The following SLCO1B1 variants were observed in gnomAD, a reference collection of about 807,000 sequenced individuals.
SLCO1B1 encodes the protein OATP-2.
SLCO1B1 carries 81 observed loss-of-function variants against 70.1 expected under a neutral mutation model. The ratio of observed to expected loss-of-function variants is 1.16; its 90% confidence interval spans 0.97 to 1.39. SLCO1B1 has a LOEUF of 1.39. Ranked by LOEUF, SLCO1B1 falls within the 40% of genes most tolerant of loss-of-function variation. SLCO1B1 has a pLI of 0.00. For missense variants in SLCO1B1, 895 were observed against 799.6 expected, an observed-to-expected ratio of 1.12 and a Z score of -1.44; for synonymous variants, 283 against 271.5, an observed-to-expected ratio of 1.04 and a Z score of -0.42.
chr12:21,187,531 T>C (rs1940976875), intron 7 of SLCO1B1, among the ~76,000 whole-genome samples: 1 of 151,820 alleles, frequency 6.6e-6, no homozygotes. Context: ...GATCATGGAG[T>C]CATAAGAAAC....
At chr12:21,198,035 G>A (rs1336904845) in intron 8 of SLCO1B1, among the ~76,000 whole-genome samples, 1 of 152,138 alleles carries the variant, frequency 6.6e-6, no homozygotes, top group Non-Finnish European at 1.5e-5. Flanking sequence ...CCAAAGCAAT[G>A]CAACACTTAA....
intron 14 of SLCO1B1, among the ~76,000 whole-genome samples, chr12:21,228,614 G>T (rs1020940856): frequency 1.3e-5 from 2 of 152,154 alleles, no homozygotes; most frequent in Non-Finnish European, 2.9e-5. Context: ...AAAAGAGGAG[G>T]TCAGAAGGAT....
chr12:21,225,955 A>G (rs1054859087), intron 14 of SLCO1B1, among the ~76,000 whole-genome samples: 2 of 152,278 alleles, frequency 1.3e-5, no homozygotes. Context: ...TGCATATGAA[A>G]AAATGGAAGC....
At chr12:21,171,178 G>T (rs892066472) in intron 2 of SLCO1B1, among the ~76,000 whole-genome samples, 3 of 152,324 alleles carry the variant, frequency 2.0e-5, no homozygotes, top group Admixed American at 2.0e-4. Context: ...ACTCTTAAGG[G>T]TGTGAAGGAA....
Position 21,196,994 on chromosome 12 carries a change from G to T in SLCO1B1, c.776G>T (p.Trp259Leu). 6.2e-7 allele frequency: 1 copy of T among 1,613,404 alleles called. No homozygotes were observed. The highest frequency in any genetic ancestry group is 8.5e-7 in the Non-Finnish European group (1 of 1,179,582). ...PTDSRWVGAW[W>L]LNFLVSGLFS... ...GATTCTCGATGGGTTGGAGCTTGGT[G>T]GCTTAATTTCCTTGTGTCTGGACTA... is the stretch of plus-strand genomic sequence containing the variant. Residue 259 changes from tryptophan to leucine, a missense_variant, in exon 8 of 15, where the codon TGG becomes TTG. Coordinates refer to ENST00000256958, the MANE Select transcript of SLCO1B1 (RefSeq NM_006446.5).
intron 3 of SLCO1B1, among the ~76,000 whole-genome samples, chr12:21,173,708 T>C (rs1940783360): frequency 6.6e-6 from 1 of 151,916 alleles, no homozygotes; most frequent in Non-Finnish European, 1.5e-5. Context: ...TGCTCAGTTA[T>C]CCTTAACTGC....
At chr12:21,233,845 C>T (rs1941569644) in intron 14 of SLCO1B1, among the ~76,000 whole-genome samples, 6 of 152,190 alleles carry the variant, frequency 3.9e-5, no homozygotes, top group Admixed American at 3.9e-4. Context: ...GCCACTTGGG[C>T]TGGCCTCTGG....
chr12:21,204,036 G>A (rs775852985), intron 10 of SLCO1B1, among the ~76,000 whole-genome samples: 43 of 151,980 alleles, frequency 2.8e-4, no homozygotes, highest in Middle Eastern at 3.4e-3. Context: ...AAATATTAAG[G>A]ATATTTGTAG....
Position 21,178,904 on chromosome 12 carries a change from G to A in SLCO1B1, c.629-18G>A. On this transcript the variant is annotated intron_variant, in intron 6 of 14. Transcript: ENST00000256958. ...TGCATTCTTGGCATCTAGTAAAATT[G>A]CTTTATAATATTTTCAGGTATATTG... The A allele has an allele frequency of 6.4e-7, 1 of 1,564,978 alleles. No homozygotes were observed. Among genetic ancestry groups the A allele is most frequent in the Non-Finnish European group, 8.8e-7 (1 of 1,136,656 alleles).
rs71581989 is a variant in SLCO1B1 at position 21,202,714 on chromosome 12, A to G, written c.1331+28A>G. The G allele has an allele frequency of 4.2e-4, 638 of 1,527,844 alleles. 1 individual carries two copies. The highest frequency in any genetic ancestry group is 5.5e-4 in the Non-Finnish European group (612 of 1,105,712). 94.6% of individuals were successfully genotyped at this position (1,527,844 alleles called of 1,614,324 possible). A position where few individuals can be genotyped will look rare whatever the true frequency, so the allele number is the denominator to read the frequency against. On this transcript the variant is annotated intron_variant, in intron 10 of 14. Coordinates refer to ENST00000256958, the MANE Select transcript of SLCO1B1 (RefSeq NM_006446.5). ...TTGTATATATCACTATATCAATTGC[A>G]TAATATGTTAACCATCAAATTAAGA...
At position 21,217,243 on chromosome 12, in the gene SLCO1B1, A is replaced by G. The variant is rs71581988; in HGVS notation, c.1622A>G (p.Gln541Arg). The G allele has an allele frequency of 1.2e-6, 2 of 1,613,650 alleles. No individual in the cohort carries two copies. The highest frequency in any genetic ancestry group is 2.7e-5 in the African/African-American group (2 of 74,912). Reference sequence around the variant, plus strand: ...AAATTTTACTTTTTTGTTGCAATACAAGTCTTGAATTTATTTTTCTCTGCA... The same window carrying G: ...AAATTTTACTTTTTTGTTGCAATACGAGTCTTGAATTTATTTTTCTCTGCA... ...TRKFYFFVAI[Q>R]VLNLFFSALG... Residue 541 changes from glutamine to arginine, a missense_variant, in exon 12 of 15, where the codon CAA becomes CGA. Coordinates refer to ENST00000256958, the MANE Select transcript of SLCO1B1 (RefSeq NM_006446.5).
intron 2 of SLCO1B1, among the ~76,000 whole-genome samples, chr12:21,164,438 G>T (rs189907672): frequency 9.2e-5 from 14 of 151,964 alleles, no homozygotes; most frequent in Admixed American, 8.5e-4. Context: ...ACTTCTCCTT[G>T]TGTGTCTGTA....
At chr12:21,168,683 T>C (rs561169157) in intron 2 of SLCO1B1, among the ~76,000 whole-genome samples, 49 of 152,340 alleles carry the variant, frequency 3.2e-4, no homozygotes, top group South Asian at 1.7e-3. Flanking sequence ...TTTGTATATC[T>C]TCTTTGCAGA....
intron 2 of SLCO1B1, among the ~76,000 whole-genome samples, chr12:21,157,581 GATTA>G (rs1362372049): frequency 6.7e-6 from 1 of 150,326 alleles, no homozygotes; most frequent in African/African-American, 2.5e-5. Context: ...CAGAAATTAA[GATTA>G]ATTAAGACTG....
At chr12:21,169,209 G>A (rs1591806950) in intron 2 of SLCO1B1, among the ~76,000 whole-genome samples, 1 of 152,030 alleles carries the variant, frequency 6.6e-6, no homozygotes, top group Admixed American at 6.6e-5. Context: ...ATTATACTGT[G>A]TCTTGGTATA....
intron 11 of SLCO1B1, among the ~76,000 whole-genome samples, chr12:21,208,072 T>C (rs1457891424): frequency 2.6e-5 from 4 of 151,982 alleles, no homozygotes; most frequent in African/African-American, 9.7e-5. Flanking sequence ...TTTGCAAAGG[T>C]TTTCTCCCAT....
At position 21,239,226 on chromosome 12, in the gene SLCO1B1, A is replaced by G. The variant is rs1320945228; in HGVS notation, c.*37A>G. The stretch of plus-strand genomic sequence containing the variant: ...AAGCCACTTCTGCTTCTGTGTTTCC[A>G]AACAGCATTGCATTGATTCAGTAAG... On this transcript the variant is annotated 3_prime_UTR_variant, in exon 15 of 15. Transcript: ENST00000256958. 1 of 1,378,200 alleles carries G rather than the reference A, an allele frequency of 7.3e-7. No homozygotes were observed. Among genetic ancestry groups the G allele is most frequent in the South Asian group, 1.2e-5 (1 of 86,126 alleles). The allele number at this position is 1,378,200 out of a possible 1,614,324, so 85.4% of individuals were successfully genotyped here.
At chr12:21,150,618 A>G (rs1987385) in intron 2 of SLCO1B1, among the ~76,000 whole-genome samples, 133,046 of 152,150 alleles carry the variant, frequency 0.87, 58,932 homozygotes, top group South Asian at 0.97. Flanking sequence ...CTGTTAGAAG[A>G]AAAACCTACA....
intron 1 of SLCO1B1, among the ~76,000 whole-genome samples, chr12:21,136,630 T>G (rs1300109729): frequency 2.0e-5 from 3 of 152,238 alleles, no homozygotes; most frequent in African/African-American, 7.2e-5. Context: ...TATCAGCTAC[T>G]GAGGCTTCTG....
Sources: gnomAD v4.1 joint callset for allele counts (sites outside exome capture counted in the v4.1 genomes callset) on GRCh38, gnomAD v4.1.1 for gene constraint, MANE v1.5 for transcripts, NCBI Gene and HGNC (gene_info 2026-07-23, HGNC 2026-07-21) for gene names.